The following FRMD4B variants were observed in gnomAD, a reference collection of about 807,000 sequenced individuals.
The protein encoded by FRMD4B is FERM domain containing 4B, also known as FERM domain-containing protein 4B.
In FRMD4B, 74 loss-of-function variants were observed where a neutral mutation model predicts 141.5. That is an observed-to-expected ratio of 0.52 (90% confidence interval 0.43 to 0.63). FRMD4B has a LOEUF of 0.63. Among genes scored for constraint, FRMD4B ranks in the 30% least tolerant of loss-of-function variants. FRMD4B has a pLI of 0.00. For synonymous variants in FRMD4B, 506 were observed against 467.9 expected, an observed-to-expected ratio of 1.08 and a Z score of -1.05; for missense variants, 1,366 against 1,253.4, an observed-to-expected ratio of 1.09 and a Z score of -1.36.
At chr3:69,355,918 G>A (rs989342677) in intron 1 of FRMD4B, among the ~76,000 whole-genome samples, 4 of 152,056 alleles carry the variant, frequency 2.6e-5, no homozygotes, top group African/African-American at 7.2e-5. Context: ...CCAGCTACTC[G>A]GGAGGCTGAA....
At chr3:69,173,921 G>C (rs1559680958) in intron 22 of FRMD4B, among the ~76,000 whole-genome samples, 1 of 152,120 alleles carries the variant, frequency 6.6e-6, no homozygotes, top group African/African-American at 2.4e-5. Context: ...GGTGGATCAT[G>C]AGGTCAGGAG....
At chr3:69,317,550 C>T (rs973254164) in intron 1 of FRMD4B, among the ~76,000 whole-genome samples, 3 of 151,950 alleles carry the variant, frequency 2.0e-5, no homozygotes, top group Non-Finnish European at 4.4e-5. Flanking sequence ...AGTTCTAAAC[C>T]AGCCTGGCCA....
At chr3:69,417,406 A>G (rs1704887127) in intron 2 of FRMD4B, among the ~76,000 whole-genome samples, 1 of 151,528 alleles carries the variant, frequency 6.6e-6, no homozygotes. Flanking sequence ...GGTTGTTTTT[A>G]TCTTGTAAAT....
intron 8 of FRMD4B, among the ~76,000 whole-genome samples, chr3:69,224,142 A>G (rs896634504): frequency 1.3e-5 from 2 of 152,202 alleles, no homozygotes; most frequent in Non-Finnish European, 2.9e-5. Context: ...GATACTATGG[A>G]TTCACTAATG....
At position 69,286,335 on chromosome 3, in the gene FRMD4B, C is replaced by T. The variant is rs373084286; in HGVS notation, c.501+1417G>A. Among the ~76,000 whole-genome samples, 151 of 152,214 alleles carry T rather than the reference C, an allele frequency of 9.9e-4. 3 individuals carry two copies. The highest frequency in any genetic ancestry group is 3.4e-3 in the African/African-American group (142 of 41,532). On this transcript the variant is annotated intron_variant, in intron 5 of 22. Coordinates refer to ENST00000398540, the MANE Select transcript of FRMD4B (RefSeq NM_015123.3). ...AATGTCATGTGCATCTGTAACTTATCTAAAAGTAAATTGTATGACATCAAT... is the reference window on the plus strand; with the variant it reads ...AATGTCATGTGCATCTGTAACTTATTTAAAAGTAAATTGTATGACATCAAT...
intron 5 of FRMD4B, among the ~76,000 whole-genome samples, chr3:69,259,780 A>G (rs945196230): frequency 6.6e-6 from 1 of 152,246 alleles, no homozygotes; most frequent in Non-Finnish European, 1.5e-5. Flanking sequence ...TTGCAACCAT[A>G]GCACATTTCT....
intron 1 of FRMD4B, among the ~76,000 whole-genome samples, chr3:69,483,233 G>A (rs960884240): frequency 2.2e-4 from 33 of 152,194 alleles, no homozygotes; most frequent in Non-Finnish European, 4.0e-4. Flanking sequence ...CCCAACCCAT[G>A]TCAGTGTGAG....
At chr3:69,395,362 C>G (rs1182744658) in intron 2 of FRMD4B, among the ~76,000 whole-genome samples, 2 of 151,936 alleles carry the variant, frequency 1.3e-5, no homozygotes, top group Admixed American at 1.3e-4. Flanking sequence ...AAAGATCAAC[C>G]ATACTACCTA....
chr3:69,368,452 T>G (rs1703731034), intron 1 of FRMD4B, among the ~76,000 whole-genome samples: 1 of 152,224 alleles, frequency 6.6e-6, no homozygotes, highest in African/African-American at 2.4e-5. Flanking sequence ...GAAGGCACTG[T>G]GGTTTCCCAG....
At chr3:69,438,841 A>T (rs1705299399) in intron 1 of FRMD4B, among the ~76,000 whole-genome samples, 2 of 152,196 alleles carry the variant, frequency 1.3e-5, no homozygotes, top group South Asian at 4.1e-4. Context: ...GGAAATATAC[A>T]GAAGAAAATG....
At chr3:69,365,248 C>T (rs1466420251) in intron 1 of FRMD4B, among the ~76,000 whole-genome samples, 2 of 152,168 alleles carry the variant, frequency 1.3e-5, no homozygotes, top group African/African-American at 4.8e-5. Context: ...TGTTCTCAAA[C>T]CAATTTATAC....
intron 1 of FRMD4B, among the ~76,000 whole-genome samples, chr3:69,473,787 G>C (rs935150875): frequency 3.3e-5 from 5 of 152,096 alleles, no homozygotes; most frequent in South Asian, 2.1e-4. Context: ...AAGTAGCTTT[G>C]GGCAAGGGGT....
rs955448221 is a variant in FRMD4B, at chr3:69,181,508, C to T, written c.2242G>A (p.Gly748Ser). 5 of 1,613,632 alleles carry T rather than the reference C, an allele frequency of 3.1e-6. No homozygotes were observed. The South Asian group carries it at 3.3e-5, about 11-fold the overall frequency. Residue 748 changes from glycine (G) to serine (S), a missense_variant, in exon 21 of 23, where the codon GGC becomes AGC. Gly to Ser is a moderately conservative substitution (Grantham distance 56). Transcript: ENST00000398540. ...AGGGTCTGGGTGGTGTAATAGGGGC[C>T]GGTAACTGGTGTCACACAGTAATAC... ...TEYYCVTPVT[G>S]PYYTTQTLDT...
At chr3:69,471,393 G>T (rs766148613) in intron 1 of FRMD4B, 7 of 227,298 alleles carry the variant, frequency 3.1e-5, no homozygotes, top group South Asian at 8.4e-5. Context: ...TCATGGCAAC[G>T]GTCACTGCTC....
chr3:69,386,058 C>G lies in FRMD4B; in HGVS notation c.-69G>C. ...GTGCAGCCCCGACCCCAGCGGCCTG[C>G]CCGCCTGGGCTCCCGACGCCGGCTT... On this transcript the variant is annotated 5_prime_UTR_variant, in exon 1 of 23. Transcript: ENST00000398540. 7.6e-7 allele frequency: 1 copy of G among 1,312,112 alleles called. No homozygotes were observed. The highest frequency in any genetic ancestry group is 1.0e-6 in the Non-Finnish European group (1 of 1,001,802). 81.3% of individuals were successfully genotyped at this position (1,312,112 alleles called of 1,614,324 possible).
intron 1 of FRMD4B, among the ~76,000 whole-genome samples, chr3:69,454,967 A>G (rs1248276045): frequency 6.6e-6 from 1 of 152,226 alleles, no homozygotes; most frequent in Non-Finnish European, 1.5e-5. Context: ...TTCTGTGTCT[A>G]GCTTGGAGTT....
intron 1 of FRMD4B, among the ~76,000 whole-genome samples, chr3:69,493,940 A>C (rs1034122469): frequency 5.9e-5 from 9 of 152,216 alleles, no homozygotes; most frequent in African/African-American, 2.2e-4. Flanking sequence ...AGTGGGGTGC[A>C]ATCATAGCTT....
chr3:69,330,679 T>C (rs1575737234), intron 1 of FRMD4B, among the ~76,000 whole-genome samples: 1 of 151,808 alleles, frequency 6.6e-6, no homozygotes, highest in Non-Finnish European at 1.5e-5. Context: ...TATTTTATAA[T>C]AGAGACAGGG....
At chr3:69,235,860 C>T (rs1481314538) in intron 7 of FRMD4B, among the ~76,000 whole-genome samples, 2 of 152,062 alleles carry the variant, frequency 1.3e-5, no homozygotes, top group African/African-American at 2.4e-5. Flanking sequence ...AAAGCAAATA[C>T]GACTCCAAAC....
Sources: allele counts gnomAD v4.1 joint callset (sites outside exome capture counted in the v4.1 genomes callset), GRCh38; gene constraint gnomAD v4.1.1; transcripts MANE v1.5; gene names NCBI Gene and HGNC (gene_info 2026-07-23, HGNC 2026-07-21).